The following CNOT1 variants were observed in gnomAD, a reference collection of about 807,000 sequenced individuals.
CNOT1 encodes the protein CCR4-NOT transcription complex subunit 1.
A neutral mutation model predicts 273.8 loss-of-function variants in CNOT1; 15 were observed. The ratio of observed to expected loss-of-function variants is 0.05; its 90% CI spans 0.04 to 0.08. The LOEUF (loss-of-function observed/expected upper bound fraction) is 0.08, where lower values mean the gene tolerates loss of function less well. CNOT1 is among the 10% of genes least tolerant of loss of function. The pLI is 1.00. For synonymous variants in CNOT1, 1,022 were observed against 1,005.5 expected, an observed-to-expected ratio of 1.02 and a Z score of -0.31; for missense variants, 1,644 against 2,912.2, an observed-to-expected ratio of 0.56 and a Z score of 10.02.
At chr16:58,619,141 C>T (rs1197256677) in intron 1 of CNOT1, among the ~76,000 whole-genome samples, 2 of 151,904 alleles carry the variant, frequency 1.3e-5, no homozygotes, top group Non-Finnish European at 2.9e-5. Flanking sequence ...GTCATGGTTG[C>T]AGTGAGCCAT....
chr16:58,570,958 G>T (rs2041250332), intron 16 of CNOT1, among the ~76,000 whole-genome samples: 1 of 152,040 alleles, frequency 6.6e-6, no homozygotes, highest in Non-Finnish European at 1.5e-5. Flanking sequence ...AACAGCAAAA[G>T]AGCCCTATAT....
At chr16:58,575,742 T>C (rs2041437837) in intron 14 of CNOT1, among the ~76,000 whole-genome samples, 1 of 151,998 alleles carries the variant, frequency 6.6e-6, no homozygotes, top group Non-Finnish European at 1.5e-5. Flanking sequence ...GAGATTGCAG[T>C]GAGCCAAGAG....
rs1283779722 is a variant in CNOT1 at position 58,528,565 on chromosome 16, G to T, written c.6363C>A (p.Ile2121=). 6 of 1,612,638 alleles carry T rather than the reference G, an allele frequency of 3.7e-6. No individual in the cohort carries two copies. The highest frequency in any genetic ancestry group is 5.1e-6 in the Non-Finnish European group (6 of 1,178,692). Residue 2121 remains isoleucine, a synonymous_variant, in exon 44 of 49, where the codon ATC becomes ATA. Coordinates refer to ENST00000317147, the MANE Select transcript of CNOT1 (RefSeq NM_016284.5). The part of the protein sequence containing the change: ...CDYHYGFCDV[I]PPNCIQLRNL... ...TTCTTAACTGGATACAATTAGGTGG[G>T]ATCACATCACAGAACCCATAATGGT...
At chr16:58,523,570 G>A in intron 46 of CNOT1, 68 bp from the exon 47 acceptor site, 3 of 1,496,972 alleles carry the variant, frequency 2.0e-6, no homozygotes, top group East Asian at 2.3e-5. Flanking sequence ...AGTTCTAACT[G>A]GCTAGGGTTT....
chr16:58,585,617 G>A, intron 7 of CNOT1, 111 bp from the exon 8 acceptor site: 2 of 1,445,336 alleles, frequency 1.4e-6, no homozygotes, highest in Non-Finnish European at 1.8e-6. Flanking sequence ...CATATTCAAA[G>A]CCAAGCTTAT....
intron 25 of CNOT1, chr16:58,548,471 G>GC (rs1479626678): frequency 2.0e-6 from 1 of 509,010 alleles, no homozygotes. Context: ...AACCACCCTT[G>GC]CTATCAGATA....
intron 14 of CNOT1, 71 bp downstream of exon 14, chr16:58,576,392 T>C: frequency 6.3e-7 from 1 of 1,597,710 alleles, no homozygotes; most frequent in Non-Finnish European, 8.6e-7. Context: ...ATTACAGGCA[T>C]GAGCCACCGC....
chr16:58,604,830 A>T (rs1597579066), intron 1 of CNOT1, among the ~76,000 whole-genome samples: 17 of 10,174 alleles, frequency 1.7e-3, no homozygotes, highest in African/African-American at 4.0e-3. Flanking sequence ...AAAAAAATTA[A>T]AAAAAAAAAA....
chr16:58,581,508 C>T lies in CNOT1; in HGVS notation c.1052G>A (p.Ser351Asn), dbSNP rs756634159. The T allele has an allele frequency of 6.2e-7, 1 of 1,610,740 alleles. No individual in the cohort carries two copies. Among genetic ancestry groups the T allele is most frequent in the Non-Finnish European group, 8.5e-7 (1 of 1,178,826 alleles). ...ATAAGTTACTTCCTTGAAATTCAAA[C>T]TTGGATTCTAAAAAAGACCAAAGCA... ...LIDVLKELNP[S>N]LNFKEVTYEL... The change falls in exon 11 of 49, where the codon AGT (serine) becomes AAT (asparagine). Residue 351 changes from serine to asparagine, a missense_variant. Ser to Asn is a conservative substitution (Grantham distance 46). Around this residue, in one of 13 missense-constraint regions of CNOT1, gnomAD observed 706 missense variants for 1,021.2 expected, o/e 0.69. Transcript: ENST00000317147.
chr16:58,543,086 C>T, intron 31 of CNOT1: 1 of 1,227,454 alleles, frequency 8.1e-7, no homozygotes. Flanking sequence ...GAGTGAGACC[C>T]TGTCTCATGA....
Position 58,556,874 on chromosome 16 carries a change from T to C in CNOT1, c.2452A>G (p.Thr818Ala), listed in dbSNP as rs1249197305. 9 of 1,614,024 alleles carry C rather than the reference T, an allele frequency of 5.6e-6. No homozygotes were observed. The highest frequency in any genetic ancestry group is 7.6e-6 in the Non-Finnish European group (9 of 1,179,962). Residue 818 changes from threonine (T) to alanine (A), a missense_variant, in exon 19 of 49, where the codon ACA (threonine) becomes GCA (alanine). This residue lies in a region of CNOT1 where 706 missense variants were observed against 1,021.2 expected (regional missense o/e 0.69). Transcript: ENST00000317147. ...KLGTSGLNQP[T>A]FQQSKMKPSD... ...GGTTTCATCTTACTCTGCTGGAATG[T>C]AGGCTGATTCAGTCCAGAGGTGCCC...
chr16:58,627,590 T>G (rs1056283817), intron 1 of CNOT1, among the ~76,000 whole-genome samples: 4 of 151,892 alleles, frequency 2.6e-5, no homozygotes, highest in Non-Finnish European at 5.9e-5. Flanking sequence ...GAAGGATGTC[T>G]TATTATTTAG....
At chr16:58,624,865 T>C (rs1037397729) in intron 1 of CNOT1, 1 of 152,156 alleles carries the variant, frequency 6.6e-6, no homozygotes, top group African/African-American at 2.4e-5. Context: ...CTCTAATTAC[T>C]GCCTTCTCAA....
At chr16:58,589,149 G>A (rs949325169) in intron 2 of CNOT1, among the ~76,000 whole-genome samples, 1 of 151,974 alleles carries the variant, frequency 6.6e-6, no homozygotes, top group African/African-American at 2.4e-5. Flanking sequence ...GCGTCTTCTC[G>A]CTTCATCCTT....
At chr16:58,554,087 T>C (rs1367627132) in intron 21 of CNOT1, among the ~76,000 whole-genome samples, 1 of 152,188 alleles carries the variant, frequency 6.6e-6, no homozygotes, top group Admixed American at 6.5e-5. Context: ...TTAAAGGCTA[T>C]ATTTTACTTA....
intron 8 of CNOT1, among the ~76,000 whole-genome samples, chr16:58,584,216 GCT>G (rs1301301214): frequency 6.6e-6 from 1 of 151,426 alleles, no homozygotes; most frequent in African/African-American, 2.4e-5. Context: ...CATGAGTAAT[GCT>G]CTCTTTCACA....
chr16:58,531,119 G>A (rs2039766605), intron 42 of CNOT1, among the ~76,000 whole-genome samples: 2 of 152,188 alleles, frequency 1.3e-5, no homozygotes, highest in South Asian at 4.1e-4. Flanking sequence ...TTCAGCCAAT[G>A]TCAGCCTGCT....
chr16:58,527,318 T>TTTCCC (rs1393971131), intron 44 of CNOT1, among the ~76,000 whole-genome samples: 1 of 151,550 alleles, frequency 6.6e-6, no homozygotes, highest in Non-Finnish European at 1.5e-5. Context: ...GGTCAGGAGT[T>TTTCCC]TGAGACCAGC....
In CNOT1 at chr16:58,599,593, TACA is replaced by T. The variant is rs1226307734; in HGVS notation, c.-174-85_-174-83del. On this transcript the variant is annotated intron_variant, in intron 1 of 48. Transcript: ENST00000317147. Reference sequence around the variant, plus strand: ...AGGCTGGTCCAGGCGCAGTGGTGTTTACAACTAATTGATCACAACTAGTTGCAA... The same window carrying T: ...AGGCTGGTCCAGGCGCAGTGGTGTTTACTAATTGATCACAACTAGTTGCAA... The T allele has an allele frequency of 7.2e-5, 36 of 497,108 alleles. No individual in the cohort carries two copies. The Admixed American group carries it at 8.8e-4, about 12-fold the overall frequency. The allele number at this position is 497,108 out of a possible 1,614,324, so 30.8% of individuals were successfully genotyped here. A position where few individuals can be genotyped will look rare whatever the true frequency, so the allele number is the denominator to read the frequency against.
Sources: allele counts gnomAD v4.1 joint callset (sites outside exome capture counted in the v4.1 genomes callset), GRCh38; gene constraint gnomAD v4.1.1; regional missense constraint gnomAD v4.1.1; transcripts MANE v1.5; gene names NCBI Gene and HGNC (gene_info 2026-07-23, HGNC 2026-07-21).